The following MAP3K20 variants were observed in gnomAD, a reference collection of about 807,000 sequenced individuals.
MAP3K20 encodes HCCS-4.
Under a neutral mutation model 85.7 loss-of-function variants are expected in MAP3K20, and 40 were observed. The observed-to-expected ratio is 0.47, with a 90% CI of 0.36 to 0.61. MAP3K20 has a LOEUF of 0.61. Among genes scored for constraint, MAP3K20 ranks in the 20% least tolerant of loss-of-function variants. The probability of loss-of-function intolerance (pLI) is 0.00; values close to 1 mark genes in which losing one functional copy is unlikely to be tolerated. For synonymous variants in MAP3K20, 325 were observed against 327.7 expected (o/e 0.99, Z 0.09); for missense variants, 817 against 961.7 (o/e 0.85, Z 1.99).
At chr2:173,098,920 T>A (rs1687544078) in intron 2 of MAP3K20, among the ~76,000 whole-genome samples, 1 of 152,228 alleles carries the variant, frequency 6.6e-6, no homozygotes, top group African/African-American at 2.4e-5. Context: ...AGTCAGAAAC[T>A]GGGAGGTAGC....
intron 2 of MAP3K20, among the ~76,000 whole-genome samples, chr2:173,157,218 G>A (rs1182029557): frequency 1.3e-5 from 2 of 152,012 alleles, no homozygotes; most frequent in African/African-American, 2.4e-5. Flanking sequence ...TGGGATTGTA[G>A]TTGAGGACTA....
chr2:173,080,915 A>G (rs1283891598), intron 1 of MAP3K20, among the ~76,000 whole-genome samples: 1 of 152,174 alleles, frequency 6.6e-6, no homozygotes, highest in African/African-American at 2.4e-5. Flanking sequence ...TAAGAAAACC[A>G]AAAAGAAAAG....
chr2:173,108,073 AC>A (rs1042863341), intron 2 of MAP3K20, among the ~76,000 whole-genome samples: 116 of 151,986 alleles, frequency 7.6e-4, no homozygotes, highest in African/African-American at 2.3e-3. Flanking sequence ...AAATTTTCTC[AC>A]CAGACAACAA....
intron 2 of MAP3K20, among the ~76,000 whole-genome samples, chr2:173,117,484 T>C (rs1199977766): frequency 6.6e-6 from 1 of 152,116 alleles, no homozygotes; most frequent in East Asian, 1.9e-4. Context: ...CTCCTTATGT[T>C]GCCCAGGCTG....
At chr2:173,135,040 T>A (rs1395961295) in intron 2 of MAP3K20, among the ~76,000 whole-genome samples, 1 of 152,068 alleles carries the variant, frequency 6.6e-6, no homozygotes, top group Non-Finnish European at 1.5e-5. Context: ...TGGCATATAG[T>A]AAGTGTTCGA....
At chr2:173,120,116 C>T (rs990298660) in intron 2 of MAP3K20, among the ~76,000 whole-genome samples, 2 of 152,032 alleles carry the variant, frequency 1.3e-5, no homozygotes, top group African/African-American at 4.8e-5. Context: ...AAAAAAAGAA[C>T]AAAGGGAAAA....
At position 173,182,952 on chromosome 2, in the gene MAP3K20, A is replaced by C. The variant is rs1690372631; in HGVS notation, c.346A>C (p.Lys116Gln). 1 of 1,603,640 alleles carries C rather than the reference A, an allele frequency of 6.2e-7. No individual in the cohort carries two copies. Among genetic ancestry groups the C allele is most frequent in the African/African-American group, 1.3e-5 (1 of 74,530 alleles). The change falls in exon 4 of 20, where the codon AAA (lysine) becomes CAA (glutamine). Residue 116 changes from lysine to glutamine, a missense_variant. Physicochemically the swap from Lys to Gln is moderately conservative, Grantham distance 53. Transcript: ENST00000375213. The stretch of plus-strand genomic sequence containing the variant: ...TATGACCTGGGCCACTGATGTAGCC[A>C]AAGGTAATAATATTTGGTATATTCT... ...HIMTWATDVA[K>Q]GMHYLHMEAP...
At chr2:173,125,309 A>T (rs1688409866) in intron 2 of MAP3K20, among the ~76,000 whole-genome samples, 1 of 152,222 alleles carries the variant, frequency 6.6e-6, no homozygotes, top group Non-Finnish European at 1.5e-5. Flanking sequence ...TCTTCAGAGC[A>T]TTACTGTATA....
At chr2:173,154,336 A>G (rs1359013212) in intron 2 of MAP3K20, among the ~76,000 whole-genome samples, 2 of 152,088 alleles carry the variant, frequency 1.3e-5, no homozygotes, top group Middle Eastern at 3.2e-3. Flanking sequence ...GGCGTGTGCC[A>G]CCATACCTGG....
intron 2 of MAP3K20, among the ~76,000 whole-genome samples, chr2:173,155,471 A>G (rs1419349893): frequency 6.6e-6 from 1 of 152,210 alleles, no homozygotes; most frequent in Non-Finnish European, 1.5e-5. Flanking sequence ...CTGGCACATC[A>G]TATATACTTC....
In MAP3K20 at chr2:173,200,649, A is replaced by T. The variant is rs142914038; in HGVS notation, c.669+2537A>T. On this transcript the variant is annotated intron_variant, in intron 8 of 19. Transcript: ENST00000375213. ...AAATATTACAAAGAATCAAAAAATT[A>T]GCTGGGTGTGGTTGTGCATACCTGT... 3.2e-3 allele frequency among the ~76,000 whole-genome samples: 484 copies of T among 152,272 alleles called. 2 individuals carry two copies. The highest frequency in any genetic ancestry group is 0.011 in the African/African-American group (465 of 41,556).
intron 14 of MAP3K20, among the ~76,000 whole-genome samples, chr2:173,235,807 GTCT>G (rs1684634635): frequency 6.6e-6 from 1 of 152,304 alleles, no homozygotes; most frequent in African/African-American, 2.4e-5. Context: ...CCCAAGAGTA[GTCT>G]TCTTCCAGCT....
At chr2:173,204,569 C>T (rs2106294076) in intron 9 of MAP3K20, among the ~76,000 whole-genome samples, 1 of 152,324 alleles carries the variant, frequency 6.6e-6, no homozygotes, top group Non-Finnish European at 1.5e-5. Flanking sequence ...ATGAATGGCC[C>T]ATATCCTTTC....
At chr2:173,149,366 G>T (rs1021570134) in intron 2 of MAP3K20, among the ~76,000 whole-genome samples, 6 of 152,202 alleles carry the variant, frequency 3.9e-5, no homozygotes, top group African/African-American at 1.4e-4. Flanking sequence ...GGAGAAAATG[G>T]TGAAATCCAA....
intron 2 of MAP3K20, among the ~76,000 whole-genome samples, chr2:173,115,773 A>G (rs1242991579): frequency 6.6e-6 from 1 of 152,066 alleles, no homozygotes; most frequent in Admixed American, 6.6e-5. Flanking sequence ...AACCGCCTAT[A>G]GGTCTCTCAG....
At chr2:173,127,238 G>A (rs1688470479) in intron 2 of MAP3K20, among the ~76,000 whole-genome samples, 1 of 152,130 alleles carries the variant, frequency 6.6e-6, no homozygotes, top group Non-Finnish European at 1.5e-5. Flanking sequence ...GTTCCCATTG[G>A]CCCACTCCAT....
At chr2:173,079,814 C>T (rs1686965299) in intron 1 of MAP3K20, among the ~76,000 whole-genome samples, 1 of 152,100 alleles carries the variant, frequency 6.6e-6, no homozygotes, top group African/African-American at 2.4e-5. Flanking sequence ...GTATATGGAG[C>T]TGCCATCTCC....
At chr2:173,245,032 T>G (rs1375069373) in intron 16 of MAP3K20, among the ~76,000 whole-genome samples, 1 of 152,170 alleles carries the variant, frequency 6.6e-6, no homozygotes, top group Non-Finnish European at 1.5e-5. Flanking sequence ...ATGAAAAATG[T>G]GTTGTAATGG....
At chr2:173,119,044 A>G (rs1319293721) in intron 2 of MAP3K20, among the ~76,000 whole-genome samples, 1 of 152,230 alleles carries the variant, frequency 6.6e-6, no homozygotes, top group Non-Finnish European at 1.5e-5. Context: ...ATTATTAACT[A>G]GTAAAAGATA....
Sources: gnomAD v4.1 joint callset for allele counts (sites outside exome capture counted in the v4.1 genomes callset) on GRCh38, gnomAD v4.1.1 for gene constraint, MANE v1.5 for transcripts, NCBI Gene and HGNC (gene_info 2026-07-23, HGNC 2026-07-21) for gene names.